The following DNAJC11 variants were observed in gnomAD, a reference collection of about 807,000 sequenced individuals.
DNAJC11 encodes the protein dnaJ homolog subfamily C member 11.
DNAJC11 carries 15 observed loss-of-function variants against 78.6 expected under a neutral mutation model. The ratio of observed to expected loss-of-function variants is 0.19; its 90% CI spans 0.13 to 0.29. DNAJC11 has a LOEUF of 0.29. DNAJC11 is among the 10% of genes least tolerant of loss of function. DNAJC11 has a pLI of 1.00. For synonymous variants in DNAJC11, 292 were observed against 272.1 expected, an observed-to-expected ratio of 1.07 and a Z score of -0.72; for missense variants, 547 against 709.6, an observed-to-expected ratio of 0.77 and a Z score of 2.60.
At chr1:6,636,996 G>A (rs1029253946) in intron 14 of DNAJC11, among the ~76,000 whole-genome samples, 10 of 152,216 alleles carry the variant, frequency 6.6e-5, no homozygotes, top group African/African-American at 2.4e-4. Context: ...CAACAGGTGT[G>A]TGTCACCATG....
intron 4 of DNAJC11, among the ~76,000 whole-genome samples, chr1:6,659,617 C>T (rs997753202): frequency 1.3e-5 from 2 of 152,030 alleles, no homozygotes; most frequent in Non-Finnish European, 2.9e-5. Context: ...AAAACATGAG[C>T]CGGGCATGGT....
intron 4 of DNAJC11, among the ~76,000 whole-genome samples, chr1:6,664,632 C>A (rs1642268644): frequency 6.6e-6 from 1 of 152,342 alleles, no homozygotes; most frequent in Admixed American, 6.5e-5. Context: ...ACCACCACCA[C>A]ATTTAGTTCT....
At chr1:6,665,549 T>C (rs1309383743) in intron 4 of DNAJC11, among the ~76,000 whole-genome samples, 1 of 152,222 alleles carries the variant, frequency 6.6e-6, no homozygotes, top group East Asian at 1.9e-4. Flanking sequence ...GAAAATGTTT[T>C]ATGTATTTGG....
intron 4 of DNAJC11, among the ~76,000 whole-genome samples, chr1:6,663,036 G>A (rs989400849): frequency 3.3e-5 from 5 of 152,114 alleles, no homozygotes; most frequent in African/African-American, 4.8e-5. Flanking sequence ...GGGATTACAG[G>A]TGTGAGCCCC....
Position 6,645,260 on chromosome 1 carries a change from C to T in DNAJC11, c.895-134G>A, listed in dbSNP as rs530159176. The stretch of plus-strand genomic sequence containing the variant: ...AAGGCAGGGGTCACGGTCTGGCAGC[C>T]GCAGTGAGTGCACCATGATTTATTA... On this transcript the variant is annotated intron_variant, in intron 8 of 15. Coordinates refer to ENST00000377577, the MANE Select transcript of DNAJC11 (RefSeq NM_018198.4). The surrounding 1 kb of genome is among the most constrained non-coding windows in gnomAD (Gnocchi z 4.1). 1.4e-4 allele frequency: 94 copies of T among 649,634 alleles called. No individual in the cohort carries two copies. Among genetic ancestry groups the T allele is most frequent in the African/African-American group, 4.3e-4 (24 of 56,156 alleles). The allele number at this position is 649,634 out of a possible 1,614,324, so 40.2% of individuals were successfully genotyped here.
intron 7 of DNAJC11, among the ~76,000 whole-genome samples, chr1:6,648,565 T>A (rs1166290832): frequency 6.6e-6 from 1 of 152,120 alleles, no homozygotes; most frequent in Non-Finnish European, 1.5e-5. Flanking sequence ...CAAGCGATCC[T>A]CCCACCTCAG....
At position 6,698,920 on chromosome 1, in the gene DNAJC11, G is replaced by A. The variant is rs558776242; in HGVS notation, c.72+2809C>T. ...ACTGCACCACTGCACTCCAGCCTGGGTGAAGTCTAATTATATATATAAATA... is the reference window on the plus strand; with the variant it reads ...ACTGCACCACTGCACTCCAGCCTGGATGAAGTCTAATTATATATATAAATA... On this transcript the variant is annotated intron_variant, in intron 1 of 15. Transcript: ENST00000377577. Among the ~76,000 whole-genome samples, 192 of 149,588 alleles carry A rather than the reference G, an allele frequency of 1.3e-3. 1 individual carries two copies. The highest frequency in any genetic ancestry group is 4.6e-3 in the African/African-American group (187 of 40,966).
intron 1 of DNAJC11, among the ~76,000 whole-genome samples, chr1:6,695,793 G>A (rs575629115): frequency 2.3e-4 from 35 of 151,336 alleles, no homozygotes; most frequent in Non-Finnish European, 3.8e-4. Context: ...GGGTGACAGT[G>A]TGAGACTCCA....
chr1:6,691,449 T>C (rs1316265292), intron 1 of DNAJC11, among the ~76,000 whole-genome samples: 1 of 152,070 alleles, frequency 6.6e-6, no homozygotes, highest in Non-Finnish European at 1.5e-5. Context: ...TAATAGAAAA[T>C]CAAAAGGCCC....
Position 6,634,813 on chromosome 1 carries a change from G to A in DNAJC11, c.*862C>T, listed in dbSNP as rs1297188885. The A allele has an allele frequency of 7.9e-7, 1 of 1,273,732 alleles. No homozygotes were observed. The highest frequency in any genetic ancestry group is 1.0e-6 in the Non-Finnish European group (1 of 972,912). The allele number at this position is 1,273,732 out of a possible 1,614,324, so 78.9% of individuals were successfully genotyped here. A position where few individuals can be genotyped will look rare whatever the true frequency, so the allele number is the denominator to read the frequency against. Reference sequence around the variant, plus strand: ...CTGGGTACCACGGGCCGGGCCTGGGGTCCACGCCTTTGGGTTGGGTGTGTC... The same window carrying A: ...CTGGGTACCACGGGCCGGGCCTGGGATCCACGCCTTTGGGTTGGGTGTGTC... On this transcript the variant is annotated 3_prime_UTR_variant, in exon 16 of 16. Transcript: ENST00000377577.
At chr1:6,701,201 A>G (rs429383) in intron 1 of DNAJC11, among the ~76,000 whole-genome samples, 119,642 of 152,092 alleles carry the variant, frequency 0.79, 47,490 homozygotes, top group East Asian at 1. Context: ...CATGAGACGC[A>G]TGCCTCTGAG....
At chr1:6,698,080 C>T (rs61780562) in intron 1 of DNAJC11, among the ~76,000 whole-genome samples, 42,544 of 152,116 alleles carry the variant, frequency 0.28, 6,485 homozygotes, top group South Asian at 0.47. Context: ...TTGAGCCACG[C>T]GCCCAGCCTA....
chr1:6,637,284 T>C lies in DNAJC11; in HGVS notation c.1438A>G (p.Ser480Gly). 1 of 1,614,202 alleles carries C rather than the reference T, an allele frequency of 6.2e-7. No homozygotes were observed. The highest frequency in any genetic ancestry group is 8.5e-7 in the Non-Finnish European group (1 of 1,180,036). The change falls in exon 14 of 16, where the codon AGC becomes GGC. Residue 480 changes from serine (S) to glycine (G), a missense_variant. Physicochemically the swap from Ser to Gly is moderately conservative, Grantham distance 56 (BLOSUM62 0). Transcript: ENST00000377577. ...ACGTCAATCACCTTCACCTTCTCGC[T>C]CTTCCTGCTCTTGTCATTGACAAAC... The part of the protein sequence containing the change: ...GKFVNDKSRK[S>G]EKVKVIDVTV...
intron 1 of DNAJC11, among the ~76,000 whole-genome samples, chr1:6,694,079 G>A (rs907180871): frequency 5.9e-5 from 9 of 151,446 alleles, no homozygotes; most frequent in East Asian, 3.9e-4. Flanking sequence ...CAAGTGATCC[G>A]CTGGCCTCAG....
chr1:6,636,649 T>C (rs1228000470), intron 14 of DNAJC11, among the ~76,000 whole-genome samples: 1 of 152,202 alleles, frequency 6.6e-6, no homozygotes, highest in Non-Finnish European at 1.5e-5. Context: ...TTCTGTTTGC[T>C]GGTGTGACTG....
At chr1:6,641,755 A>C (rs1295619860) in intron 10 of DNAJC11, among the ~76,000 whole-genome samples, 1 of 152,162 alleles carries the variant, frequency 6.6e-6, no homozygotes, top group African/African-American at 2.4e-5. Context: ...TTTGTTTCCA[A>C]AACTGAGCTG....
At chr1:6,641,679 G>A (rs1641880738) in intron 10 of DNAJC11, among the ~76,000 whole-genome samples, 1 of 151,932 alleles carries the variant, frequency 6.6e-6, no homozygotes, top group Admixed American at 6.6e-5. Flanking sequence ...CCACTGTACT[G>A]AGCCTTCAAA....
chr1:6,655,516 G>T (rs1052572860), intron 4 of DNAJC11, among the ~76,000 whole-genome samples: 1 of 152,174 alleles, frequency 6.6e-6, no homozygotes, highest in Non-Finnish European at 1.5e-5. Context: ...CAACAAAACT[G>T]CATGGCAGTA....
At chr1:6,693,949 C>A (rs1313105667) in intron 1 of DNAJC11, among the ~76,000 whole-genome samples, 1 of 151,084 alleles carries the variant, frequency 6.6e-6, no homozygotes, top group Non-Finnish European at 1.5e-5. Flanking sequence ...GATTCTCCTG[C>A]TTCAGCCTTA....
Sources: allele counts gnomAD v4.1 joint callset (sites outside exome capture counted in the v4.1 genomes callset), GRCh38; gene constraint gnomAD v4.1.1; non-coding constraint Gnocchi (gnomAD v3.1); transcripts MANE v1.5; gene names NCBI Gene and HGNC (gene_info 2026-07-23, HGNC 2026-07-21).